KMT2D: variants seen among roughly 807,000 people sequenced by gnomAD.
The protein encoded by KMT2D is lysine methyltransferase 2D, also known as histone-lysine N-methyltransferase 2D.
In KMT2D, 55 loss-of-function variants were observed where a neutral mutation model predicts 512.7. That is an observed-to-expected ratio of 0.11 (90% CI 0.09 to 0.13). KMT2D has a LOEUF of 0.13. Among genes scored for constraint, KMT2D ranks in the 10% least tolerant of loss-of-function variants. The probability of loss-of-function intolerance (pLI) is 1.00; values close to 1 mark genes in which losing one functional copy is unlikely to be tolerated. For synonymous variants in KMT2D, 2,995 were observed against 2,904.0 expected, an observed-to-expected ratio of 1.03 and a Z score of -1.01; for missense variants, 6,061 against 7,127.9, an observed-to-expected ratio of 0.85 and a Z score of 5.39.
At position 49,042,734 on chromosome 12, in the gene KMT2D, G is replaced by C; in HGVS notation, c.5782+7C>G. The stretch of plus-strand genomic sequence containing the variant: ...GTCAGTCTTCAGACCACTCCCACCT[G>C]TATTACCTTGAAGAAAGGGCCTCTG... On this transcript the variant is annotated splice_region_variant and intron_variant, in intron 27 of 54. Coordinates refer to ENST00000301067, the MANE Select transcript of KMT2D (RefSeq NM_003482.4). This position sits in a 1 kb window ranked among gnomAD's most constrained non-coding sequence, Gnocchi z 4.4. 6.2e-7 allele frequency: 1 copy of C among 1,612,846 alleles called. No homozygotes were observed. The highest frequency in any genetic ancestry group is 1.7e-4 in the Middle Eastern group (1 of 6,048).
Position 49,019,796 on chromosome 12 carries a change from T to TA in KMT2D, c.*1983_*1984insT. On this transcript the variant is annotated 3_prime_UTR_variant, in exon 55 of 55. Coordinates refer to ENST00000301067, the MANE Select transcript of KMT2D (RefSeq NM_003482.4). ...GCTTGAAACAGTTGAGGAAGCAGCT[T>TA]TAAAAAAAAAAAATCTCCCTACCCC... 2 of 231,426 alleles carry TA rather than the reference T, an allele frequency of 8.6e-6. No homozygotes were observed. The highest frequency in any genetic ancestry group is 2.2e-5 in the African/African-American group (1 of 45,094). 14.3% of individuals were successfully genotyped at this position (231,426 alleles called of 1,614,324 possible). A position where few individuals can be genotyped will look rare whatever the true frequency, so the allele number is the denominator to read the frequency against.
rs2120642008 is a variant in KMT2D, at chr12:49,049,872, G to A, written c.3716C>T (p.Ser1239Phe). 2 of 1,613,902 alleles carry A rather than the reference G, an allele frequency of 1.2e-6. No homozygotes were observed. Among genetic ancestry groups the A allele is most frequent in the Non-Finnish European group, 1.7e-6 (2 of 1,179,886 alleles). ...ATCCGTAGAGACCCCCAACTCCATG[G>A]ACAGGGAGCCACCCCCCTCCGGGTC... Reference protein sequence around the residue: ...SPDPEGGGSLSMELGVSTDVS... With the variant: ...SPDPEGGGSLFMELGVSTDVS... The change falls in exon 12 of 55, where the codon TCC becomes TTC. Residue 1239 changes from serine to phenylalanine, a missense_variant. Around this residue, in one of 16 missense-constraint regions of KMT2D, gnomAD observed 447 missense variants for 500.1 expected, o/e 0.89. Coordinates refer to ENST00000301067, the MANE Select transcript of KMT2D (RefSeq NM_003482.4).
In KMT2D at chr12:49,049,853, A is replaced by G. The variant is rs377762139; in HGVS notation, c.3735T>C (p.Ser1245=). 5.6e-6 allele frequency: 9 copies of G among 1,613,830 alleles called. No homozygotes were observed. Among genetic ancestry groups the G allele is most frequent in the Non-Finnish European group, 6.8e-6 (8 of 1,179,896 alleles). The change falls in exon 12 of 55, where the codon TCT becomes TCC. Residue 1245 remains serine, a synonymous_variant. Transcript: ENST00000301067. ...GGSLSMELGV[S]TDVSPARDEG... ...CATCTCGGGCTGGACTAACATCCGT[A>G]GAGACCCCCAACTCCATGGACAGGG...
Position 49,040,325 on chromosome 12 carries a change from C to G in KMT2D, c.7445G>C (p.Gly2482Ala), listed in dbSNP as rs1281138364. 5.7e-6 allele frequency: 9 copies of G among 1,575,524 alleles called. No individual in the cohort carries two copies. The highest frequency in any genetic ancestry group is 7.8e-6 in the Non-Finnish European group (9 of 1,160,652). ...PQPPEVAFKA[G>A]SLAHTSLGAG... is the part of the protein sequence containing the mutation. ...CCCCAGCGAAGTGTGGGCTAGAGAC[C>G]CAGCCTTAAAGGCAACTTCAGGGGG... The change falls in exon 32 of 55, where the codon GGG (glycine) becomes GCG (alanine). Residue 2482 changes from glycine (G) to alanine (A), a missense_variant. Around this residue, in one of 16 missense-constraint regions of KMT2D, gnomAD observed 710 missense variants for 647.3 expected, o/e 1.10. Coordinates refer to ENST00000301067, the MANE Select transcript of KMT2D (RefSeq NM_003482.4).
At position 49,034,926 on chromosome 12, in the gene KMT2D, T is replaced by C. The variant is rs750178653; in HGVS notation, c.10241A>G (p.Lys3414Arg). The C allele has an allele frequency of 4.5e-5, 73 of 1,613,860 alleles. 2 individuals are homozygous for C. The South Asian group carries it at 7.2e-4, about 16-fold the overall frequency. Reference sequence around the variant, plus strand: ...ATCAATGATATCTTCTGCAGCAAATTTGTCCAGGTCTGGAGAGGGGAGAAC... The same window carrying C: ...ATCAATGATATCTTCTGCAGCAAATCTGTCCAGGTCTGGAGAGGGGAGAAC... ...NSFFPDTDLD[K>R]FAAEDIIDPI... Residue 3414 changes from lysine to arginine, a missense_variant, in exon 36 of 55, where the codon AAA (lysine) becomes AGA (arginine). Transcript: ENST00000301067.
rs201084607 is a variant in KMT2D at position 49,042,003 on chromosome 12, G to A, written c.6110-13C>T. 1.2e-6 allele frequency: 2 copies of A among 1,612,388 alleles called. No homozygotes were observed. Among genetic ancestry groups the A allele is most frequent in the Admixed American group, 1.7e-5 (1 of 59,728 alleles). ...CGGCTTGACCAGTCTGGAGGGCAGA[G>A]AGAGTGAGTCAGAGAAGACTTGGCA... On this transcript the variant is annotated splice_polypyrimidine_tract_variant and intron_variant, in intron 29 of 54. Transcript: ENST00000301067. The surrounding 1 kb of genome is among the most constrained non-coding windows in gnomAD (Gnocchi z 4.4).
rs2120541573 is a variant in KMT2D, at chr12:49,041,104, C to A, written c.6666G>T (p.Gln2222His). Reference sequence around the variant, plus strand: ...GTGGGGTAGTGTGGAATTCCCCTGGCTGGCCAGCCCCAGGACGAGATGAGG... The same window carrying A: ...GTGGGGTAGTGTGGAATTCCCCTGGATGGCCAGCCCCAGGACGAGATGAGG... Reference protein sequence around the residue: ...LGASSRPGAGQPGEFHTTPPG... With the variant: ...LGASSRPGAGHPGEFHTTPPG... Residue 2222 changes from glutamine (Q) to histidine (H), a missense_variant, in exon 32 of 55, where the codon CAG becomes CAT. Coordinates refer to ENST00000301067, the MANE Select transcript of KMT2D (RefSeq NM_003482.4). This position sits in a 1 kb window ranked among gnomAD's most constrained non-coding sequence, Gnocchi z 5.4. 1 of 1,531,802 alleles carries A rather than the reference C, an allele frequency of 6.5e-7. No homozygotes were observed. 94.9% of individuals were successfully genotyped at this position (1,531,802 alleles called of 1,614,324 possible). A position where few individuals can be genotyped will look rare whatever the true frequency, so the allele number is the denominator to read the frequency against.
chr12:49,045,958 G>C lies in KMT2D; in HGVS notation c.4703C>G (p.Ala1568Gly), dbSNP rs1565806040. Residue 1568 changes from alanine to glycine, a missense_variant, in exon 19 of 55, where the codon GCA becomes GGA. Ala to Gly is a moderately conservative substitution (Grantham distance 60). Around this residue, in one of 16 missense-constraint regions of KMT2D, gnomAD observed 640 missense variants for 814.3 expected, o/e 0.79. Transcript: ENST00000301067. ...CTTCATGGGCACCAGCTCTGGAGGT[G>C]CAACAGGCGCTATGGAGAGAAGGAC... ...PYVVKPVAPVAPPELVPMKVK... is the reference protein window; with the variant it reads ...PYVVKPVAPVGPPELVPMKVK... The C allele has an allele frequency of 6.2e-7, 1 of 1,613,986 alleles. No individual in the cohort carries two copies.
In KMT2D at chr12:49,060,397, C is replaced by T. The variant is rs1938679394; in HGVS notation, c.-822G>A. ...CCTTCCCCTCTGGCCTCGGGAGCTG[C>T]CCCGCCCCCGGCCTGGCCGGCTCTG... On this transcript the variant is annotated 5_prime_UTR_variant, in exon 1 of 55. Transcript: ENST00000301067. Among the ~76,000 whole-genome samples the T allele has an allele frequency of 6.6e-6, 1 of 152,114 alleles. No homozygotes were observed. Among genetic ancestry groups the T allele is most frequent in the South Asian group, 2.1e-4 (1 of 4,834 alleles).
chr12:49,055,976 C>A (rs1274952378), intron 1 of KMT2D, among the ~76,000 whole-genome samples: 1 of 152,210 alleles, frequency 6.6e-6, no homozygotes. Context: ...TTTCCACCCA[C>A]TTCCAACCCA....
At position 49,022,028 on chromosome 12, in the gene KMT2D, G is replaced by A. The variant is rs1334229120; in HGVS notation, c.16521+15C>T. ...AGGAGCTGCTTTGTCACTCAGTCAG[G>A]ATACTTCCTCTCACCTCCTCTCCTT... On this transcript the variant is annotated intron_variant, in intron 54 of 54. Transcript: ENST00000301067. The surrounding 1 kb of genome is among the most constrained non-coding windows in gnomAD (Gnocchi z 8.6). 6.2e-7 allele frequency: 1 copy of A among 1,606,564 alleles called. No homozygotes were observed. The highest frequency in any genetic ancestry group is 8.5e-7 in the Non-Finnish European group (1 of 1,173,296).
In KMT2D at chr12:49,037,982, C is replaced by T; in HGVS notation, c.9374G>A (p.Gly3125Asp). ...LPEVKPKVEE[G>D]GRHPSPCQFT... Reference sequence around the variant, plus strand: ...TTGGCAAGGAGAAGGGTGGCGTCCACCCTCCTCCACCTTGGGCTTCACCTC... The same window carrying T: ...TTGGCAAGGAGAAGGGTGGCGTCCATCCTCCTCCACCTTGGGCTTCACCTC... Residue 3125 changes from glycine (G) to aspartate (D), a missense_variant, in exon 35 of 55, where the codon GGT becomes GAT. Around this residue, in one of 16 missense-constraint regions of KMT2D, gnomAD observed 533 missense variants for 539.6 expected, o/e 0.99. Coordinates refer to ENST00000301067, the MANE Select transcript of KMT2D (RefSeq NM_003482.4). The T allele has an allele frequency of 1.9e-6, 3 of 1,601,798 alleles. No homozygotes were observed. The highest frequency in any genetic ancestry group is 2.6e-6 in the Non-Finnish European group (3 of 1,174,562).
Position 49,034,627 on chromosome 12 carries a change from T to TC in KMT2D, c.10394dup (p.Pro3466ThrfsTer2), listed in dbSNP as rs1284500089. 2 of 1,612,834 alleles carry TC rather than the reference T, an allele frequency of 1.2e-6. No individual in the cohort carries two copies. Among genetic ancestry groups the TC allele is most frequent in the Non-Finnish European group, 1.7e-6 (2 of 1,179,624 alleles). ...CATGGTTCTGCAGATCACTGCTAGG[T>TC]CCCCCCGAGAGCCTCTGGGCTAGCA... On this transcript the variant is annotated frameshift_variant, in exon 37 of 55. Coordinates refer to ENST00000301067, the MANE Select transcript of KMT2D (RefSeq NM_003482.4). LOFTEE classifies it high-confidence loss of function.
rs1290911238 is a variant in KMT2D at position 49,054,186 on chromosome 12, G to C, written c.511-46C>G. 9.0e-6 allele frequency: 14 copies of C among 1,551,316 alleles called. No homozygotes were observed. The highest frequency in any genetic ancestry group is 4.1e-5 in the African/African-American group (3 of 73,298). On this transcript the variant is annotated intron_variant, in intron 5 of 54. Coordinates refer to ENST00000301067, the MANE Select transcript of KMT2D (RefSeq NM_003482.4). The surrounding 1 kb of genome is among the most constrained non-coding windows in gnomAD (Gnocchi z 6.4). ...CCTCAGTGTCAGCCAGCTCTCCCCA[G>C]ACAAACAGTTCAGGCACTAGCTCTG... is the stretch of plus-strand genomic sequence containing the variant.
intron 41 of KMT2D, 53 bp from the exon 42 acceptor site, chr12:49,030,821 C>A (rs2120408948): frequency 6.2e-7 from 1 of 1,612,540 alleles, no homozygotes; most frequent in Non-Finnish European, 8.5e-7. Flanking sequence ...GCATCGCTGT[C>A]TTGCACAGCT....
chr12:49,027,905 G>A lies in KMT2D; in HGVS notation c.14541C>T (p.Gly4847=). The A allele has an allele frequency of 6.2e-7, 1 of 1,613,800 alleles. No homozygotes were observed. Among genetic ancestry groups the A allele is most frequent in the Non-Finnish European group, 8.5e-7 (1 of 1,179,826 alleles). Residue 4847 remains glycine, a synonymous_variant, in exon 48 of 55, where the codon GGC becomes GGT. Transcript: ENST00000301067. ...AATCAGGGCCAGTGTCTGGGCTCTT[G>A]CCTTCCAGACCCTTTTCCTTCCCAC... ...GPGGKEKGLE[G]KSPDTGPDWL...
Position 49,044,461 on chromosome 12 carries a change from C to T in KMT2D, c.5025G>A (p.Glu1675=), listed in dbSNP as rs777132313. 1.2e-6 allele frequency: 2 copies of T among 1,613,992 alleles called. No individual in the cohort carries two copies. Among genetic ancestry groups the T allele is most frequent in the East Asian group, 2.2e-5 (1 of 44,882 alleles). The change falls in exon 21 of 55, where the codon GAG becomes GAA. Residue 1675 remains glutamate (E), a synonymous_variant. Coordinates refer to ENST00000301067, the MANE Select transcript of KMT2D (RefSeq NM_003482.4). This position sits in a 1 kb window ranked among gnomAD's most constrained non-coding sequence, Gnocchi z 6.4. The stretch of plus-strand genomic sequence containing the variant: ...TTTCCTCGGTCTCCTCTTTGCCAGG[C>T]TCCACATCAGGGCTGACGGGGCCCT... ...KLEGPVSPDV[E]PGKEETEESK...
At chr12:49,029,565 G>A (rs1379630785) in intron 43 of KMT2D, 89 bp from the exon 44 acceptor site, 7 of 930,976 alleles carry the variant, frequency 7.5e-6, no homozygotes, top group Non-Finnish European at 1.2e-5. Flanking sequence ...TAATTAGCAT[G>A]AGATCTCAGC....
rs1235029717 is a variant in KMT2D at position 49,046,312 on chromosome 12, G to C, written c.4531C>G (p.His1511Asp). The C allele has an allele frequency of 6.2e-7, 1 of 1,614,014 alleles. No individual in the cohort carries two copies. Among genetic ancestry groups the C allele is most frequent in the South Asian group, 1.1e-5 (1 of 91,080 alleles). ...CASLVTCPIC[H>D]APYVEEDLLI... is the part of the protein sequence containing the mutation. ...AGGTCCTCTTCTACGTAAGGAGCAT[G>C]ACAGATAGGGCAGGTCACCAGGCTG... Residue 1511 changes from histidine to aspartate, a missense_variant, in exon 17 of 55, where the codon CAT becomes GAT. His to Asp is a moderately conservative substitution (Grantham distance 81). This residue lies in a region of KMT2D where 640 missense variants were observed against 814.3 expected (regional missense o/e 0.79). Transcript: ENST00000301067. The surrounding 1 kb of genome is among the most constrained non-coding windows in gnomAD (Gnocchi z 4.2).
Sources: allele counts gnomAD v4.1 joint callset (sites outside exome capture counted in the v4.1 genomes callset), GRCh38; gene constraint gnomAD v4.1.1; regional missense constraint gnomAD v4.1.1; non-coding constraint Gnocchi (gnomAD v3.1); transcripts MANE v1.5; gene names NCBI Gene and HGNC (gene_info 2026-07-23, HGNC 2026-07-21).